Variants in RIMS1 observed in about 807,000 individuals in gnomAD.
The protein encoded by RIMS1 is regulating synaptic membrane exocytosis 1.
Under a neutral mutation model 214.1 loss-of-function variants are expected in RIMS1, and 83 were observed. That is an observed-to-expected ratio of 0.39 (90% CI 0.32 to 0.47). The LOEUF (loss-of-function observed/expected upper bound fraction) is 0.47. Among genes scored for constraint, RIMS1 ranks in the 20% least tolerant of loss-of-function variants. The pLI, the probability that RIMS1 is intolerant of heterozygous loss-of-function variation, is 0.99. For synonymous variants in RIMS1, 793 were observed against 786.8 expected, an observed-to-expected ratio of 1.01 and a Z score of -0.13; for missense variants, 2,050 against 2,161.8, an observed-to-expected ratio of 0.95 and a Z score of 1.03.
chr6:72,292,100 C>A, intron 26 of RIMS1, 54 bp downstream of exon 26: 1 of 1,020,098 alleles, frequency 9.8e-7, no homozygotes, highest in East Asian at 2.6e-5. Flanking sequence ...AGAACCTCCT[C>A]TATTTATACC....
At chr6:72,228,321 C>T (rs2060904094) in intron 6 of RIMS1, among the ~76,000 whole-genome samples, 1 of 151,858 alleles carries the variant, frequency 6.6e-6, no homozygotes, top group Admixed American at 6.6e-5. Context: ...CCCCTGTTCC[C>T]CATCTGCTAG....
chr6:72,078,484 A>G (rs1276994272), intron 2 of RIMS1, among the ~76,000 whole-genome samples: 1 of 151,998 alleles, frequency 6.6e-6, no homozygotes, highest in Non-Finnish European at 1.5e-5. Context: ...TTCTTGTTAT[A>G]TTGGCAAGGA....
intron 2 of RIMS1, among the ~76,000 whole-genome samples, chr6:72,057,653 G>C (rs56869399): frequency 0.11 from 17,158 of 151,740 alleles, 1,175 homozygotes; most frequent in South Asian, 0.18. Context: ...GACTACAGGC[G>C]CCCGCCACCA....
At chr6:71,915,294 C>T (rs947364911) in intron 1 of RIMS1, among the ~76,000 whole-genome samples, 2 of 152,084 alleles carry the variant, frequency 1.3e-5, no homozygotes, top group Non-Finnish European at 2.9e-5. Flanking sequence ...ATACTTTTCA[C>T]TTTTATCTCC....
chr6:71,948,728 A>T (rs1424249404), intron 1 of RIMS1, among the ~76,000 whole-genome samples: 1 of 152,194 alleles, frequency 6.6e-6, no homozygotes, highest in Non-Finnish European at 1.5e-5. Flanking sequence ...AGAGGATAAT[A>T]GGTTGGGCAC....
At chr6:72,262,280 C>T in intron 19 of RIMS1, 1 of 853,844 alleles carries the variant, frequency 1.2e-6, no homozygotes. Context: ...AAGATTGGTG[C>T]TTTGCTAATA....
chr6:72,253,562 T>A (rs909963982), intron 16 of RIMS1, among the ~76,000 whole-genome samples: 12 of 152,110 alleles, frequency 7.9e-5, no homozygotes, highest in Non-Finnish European at 1.5e-4. Flanking sequence ...GAAGTAAATA[T>A]GCAAATAAGA....
chr6:72,230,234 G>A (rs532516538), intron 6 of RIMS1, among the ~76,000 whole-genome samples: 2 of 151,800 alleles, frequency 1.3e-5, no homozygotes, highest in Admixed American at 1.3e-4. Flanking sequence ...GTTGCTGTGA[G>A]CCAATCTTAG....
At chr6:71,922,961 C>A (rs1366511219) in intron 1 of RIMS1, among the ~76,000 whole-genome samples, 1 of 151,192 alleles carries the variant, frequency 6.6e-6, no homozygotes, top group Non-Finnish European at 1.5e-5. Flanking sequence ...TCCATAAAAA[C>A]GATAGCTTAA....
chr6:72,004,505 A>G (rs1806634915), intron 2 of RIMS1, among the ~76,000 whole-genome samples: 1 of 151,188 alleles, frequency 6.6e-6, no homozygotes, highest in Non-Finnish European at 1.5e-5. Flanking sequence ...AAGTGTTCCT[A>G]TTTCTCCACA....
chr6:72,329,725 G>A (rs1302045788), intron 28 of RIMS1, among the ~76,000 whole-genome samples: 2 of 151,672 alleles, frequency 1.3e-5, no homozygotes, highest in African/African-American at 4.8e-5. Flanking sequence ...AACCAATTTG[G>A]TTGGTTGGTT....
chr6:72,351,557 G>C (rs1474531873), intron 29 of RIMS1, among the ~76,000 whole-genome samples: 1 of 152,126 alleles, frequency 6.6e-6, no homozygotes, highest in Non-Finnish European at 1.5e-5. Context: ...CAATTGGCTG[G>C]ATTCTTCAAG....
intron 12 of RIMS1, among the ~76,000 whole-genome samples, chr6:72,248,704 T>C (rs191930494): frequency 6.6e-6 from 1 of 152,166 alleles, no homozygotes; most frequent in African/African-American, 2.4e-5. Flanking sequence ...GATGTTGATA[T>C]TATAATTTAA....
At chr6:72,134,545 T>C (rs937771074) in intron 4 of RIMS1, among the ~76,000 whole-genome samples, 1 of 152,098 alleles carries the variant, frequency 6.6e-6, no homozygotes, top group Admixed American at 6.6e-5. Context: ...TCTCTACTCA[T>C]GAGTTTCGTA....
intron 1 of RIMS1, among the ~76,000 whole-genome samples, chr6:71,928,694 T>C (rs73748955): frequency 0.04 from 6,016 of 152,190 alleles, 396 homozygotes; most frequent in African/African-American, 0.14. Flanking sequence ...TAGAGAGCAC[T>C]GCATACAGCT....
At position 72,245,869 on chromosome 6, in the gene RIMS1, T is replaced by C. The variant is rs1394237851; in HGVS notation, c.2128+8T>C. 1 of 1,574,302 alleles carries C rather than the reference T, an allele frequency of 6.4e-7. No homozygotes were observed. The highest frequency in any genetic ancestry group is 8.7e-7 in the Non-Finnish European group (1 of 1,144,102). On this transcript the variant is annotated splice_region_variant and intron_variant, in intron 11 of 33. Transcript: ENST00000521978. ...ACCCTCCACTGGAGTCCAGTGAGTA[T>C]AAGGTTTCTTTGTTATTATAAAAGT...
Position 72,303,895 on chromosome 6 carries a change from G to A in RIMS1, c.3851-3363G>A, listed in dbSNP as rs143281328. Among the ~76,000 whole-genome samples the A allele has an allele frequency of 7.7e-3, 1,164 of 151,352 alleles. 16 individuals carry two copies. Among genetic ancestry groups the A allele is most frequent in the Non-Finnish European group, 0.011 (712 of 67,500 alleles). ...ATAAAATTGTAATATTACATCTGAG[G>A]AACTAAGATACATACATTTTGATCT... On this transcript the variant is annotated intron_variant, in intron 26 of 33. Transcript: ENST00000521978.
chr6:71,985,229 A>T (rs556014603), intron 2 of RIMS1, among the ~76,000 whole-genome samples: 3 of 152,178 alleles, frequency 2.0e-5, no homozygotes, highest in South Asian at 2.1e-4. Context: ...CAAAAAAATT[A>T]AAAAATAAAA....
At chr6:72,005,058 G>A (rs1194048964) in intron 2 of RIMS1, among the ~76,000 whole-genome samples, 9 of 151,306 alleles carry the variant, frequency 5.9e-5, no homozygotes, top group Non-Finnish European at 1.0e-4. Flanking sequence ...TAAGGTGTAA[G>A]GAAGGGATCC....
Sources: allele counts gnomAD v4.1 joint callset (sites outside exome capture counted in the v4.1 genomes callset), GRCh38; gene constraint gnomAD v4.1.1; transcripts MANE v1.5; gene names NCBI Gene and HGNC (gene_info 2026-07-23, HGNC 2026-07-21).